ZNF627: variants seen among roughly 807,000 people sequenced by gnomAD.
ZNF627 encodes the protein zinc finger protein 627.
A neutral mutation model predicts 10.6 loss-of-function variants in ZNF627; 12 were observed. The ratio of observed to expected loss-of-function variants is 1.13; its 90% CI spans 0.73 to 1.84. The LOEUF is 1.84. Ranked by LOEUF, ZNF627 falls within the 40% of genes most tolerant of loss-of-function variation. The pLI is 0.00. For missense variants in ZNF627, 504 were observed against 568.4 expected (o/e 0.89, Z 1.15); for synonymous variants, 176 against 187.1 (o/e 0.94, Z 0.48).
intron 3 of ZNF627, among the ~76,000 whole-genome samples, chr19:11,616,182 C>T (rs547022769): frequency 2.3e-4 from 35 of 151,738 alleles, no homozygotes; most frequent in African/African-American, 6.8e-4. Flanking sequence ...GGATTACACG[C>T]GTGCTCCACT....
intron 1 of ZNF627, chr19:11,604,103 TTGA>T (rs1973634528): frequency 2.0e-5 from 3 of 152,106 alleles, no homozygotes; most frequent in Non-Finnish European, 4.4e-5. Flanking sequence ...TATCATATAA[TTGA>T]TGAACCAATA....
chr19:11,612,362 C>T (rs10418463), intron 1 of ZNF627, among the ~76,000 whole-genome samples: 112 of 149,604 alleles, frequency 7.5e-4, no homozygotes, highest in African/African-American at 2.5e-3. Context: ...CCTCGTGATC[C>T]GCCTGCCTCG....
chr19:11,597,664 G>T, intron 1 of ZNF627, 34 bp downstream of exon 1: 1 of 1,338,286 alleles, frequency 7.5e-7, no homozygotes, highest in Non-Finnish European at 9.6e-7. Flanking sequence ...CCCAGACCTG[G>T]GGGAGGGGCT....
intron 3 of ZNF627, among the ~76,000 whole-genome samples, chr19:11,615,093 C>T (rs557325349): frequency 7.3e-5 from 11 of 151,596 alleles, no homozygotes; most frequent in East Asian, 2.0e-4. Context: ...ACTACAGGCA[C>T]GTGCCACCAC....
intron 1 of ZNF627, among the ~76,000 whole-genome samples, chr19:11,601,128 T>TG (rs1973577478): frequency 6.6e-6 from 1 of 152,192 alleles, no homozygotes; most frequent in East Asian, 1.9e-4. Flanking sequence ...GAGCCTCCCC[T>TG]GCAGTGTCCC....
At chr19:11,602,725 G>T (rs917302395) in intron 1 of ZNF627, among the ~76,000 whole-genome samples, 1 of 152,192 alleles carries the variant, frequency 6.6e-6, no homozygotes, top group Non-Finnish European at 1.5e-5. Flanking sequence ...ATTTGGTTGT[G>T]TTCAGCAAAC....
intron 1 of ZNF627, among the ~76,000 whole-genome samples, chr19:11,612,176 A>G (rs1205749997): frequency 7.7e-6 from 1 of 129,522 alleles, no homozygotes; most frequent in Non-Finnish European, 1.5e-5. Context: ...GCTGGAGTGC[A>G]GTGGTGCGAT....
chr19:11,598,483 TAGGAAACC>T (rs1195286553), intron 1 of ZNF627, among the ~76,000 whole-genome samples: 1 of 152,170 alleles, frequency 6.6e-6, no homozygotes, highest in East Asian at 1.9e-4. Context: ...TTTCCTTGGG[TAGGAAACC>T]AGGACACCAT....
At chr19:11,610,425 T>C (rs541721590) in intron 1 of ZNF627, among the ~76,000 whole-genome samples, 149 of 151,750 alleles carry the variant, frequency 9.8e-4, no homozygotes, top group African/African-American at 3.5e-3. Context: ...GTTGCTGCCC[T>C]TTTTTTTCCT....
chr19:11,611,970 T>C (rs922276290), intron 1 of ZNF627, among the ~76,000 whole-genome samples: 3 of 152,144 alleles, frequency 2.0e-5, no homozygotes, highest in Admixed American at 6.6e-5. Flanking sequence ...GTCTCATTTG[T>C]TGGGGACTAG....
chr19:11,600,872 G>A (rs988723618), intron 1 of ZNF627, among the ~76,000 whole-genome samples: 1 of 152,168 alleles, frequency 6.6e-6, no homozygotes, highest in Non-Finnish European at 1.5e-5. Context: ...ATTGTCTGAA[G>A]AGGATGGATA....
Position 11,616,682 on chromosome 19 carries a change from T to G in ZNF627, c.192-13T>G. On this transcript the variant is annotated splice_polypyrimidine_tract_variant and intron_variant, in intron 3 of 3. Coordinates refer to ENST00000361113, the MANE Select transcript of ZNF627 (RefSeq NM_145295.4). Reference sequence around the variant, plus strand: ...CAAAACATTAATAATGTACTTCTCATTTTTCTGACAAGTCATATTCCAGAG... The same window carrying G: ...CAAAACATTAATAATGTACTTCTCAGTTTTCTGACAAGTCATATTCCAGAG... 1 of 1,518,890 alleles carries G rather than the reference T, an allele frequency of 6.6e-7. No individual in the cohort carries two copies. The highest frequency in any genetic ancestry group is 8.9e-7 in the Non-Finnish European group (1 of 1,128,160). The allele number at this position is 1,518,890 out of a possible 1,614,324, so 94.1% of individuals were successfully genotyped here.
intron 3 of ZNF627, among the ~76,000 whole-genome samples, chr19:11,615,235 C>A (rs1973846780): frequency 6.7e-6 from 1 of 150,052 alleles, no homozygotes; most frequent in African/African-American, 2.4e-5. Flanking sequence ...CCTGAGCCAC[C>A]ATGCCCAGCA....
rs961609090 is a variant in ZNF627 at position 11,597,634 on chromosome 19, C to G, written c.3+4C>G. The G allele has an allele frequency of 3.7e-6, 5 of 1,335,580 alleles. No individual in the cohort carries two copies. The African/African-American group carries it at 7.5e-5, about 20-fold the overall frequency. 82.7% of individuals were successfully genotyped at this position (1,335,580 alleles called of 1,614,324 possible). On this transcript the variant is annotated splice_donor_region_variant and intron_variant, in intron 1 of 3. Transcript: ENST00000361113. ...GACACCTGGAAGCCGAGAAATGGTG[C>G]GTGTGAGGGGTCAGGCGTCCCCAGA...
At position 11,617,399 on chromosome 19, in the gene ZNF627, G is replaced by T; in HGVS notation, c.896G>T (p.Arg299Met). ...GCCAGTTCTGTTCGAAGTCACGAGA[G>T]GACTCACACCGGAGAGAAACTTTTT... The part of the protein sequence containing the change: ...RCASSVRSHE[R>M]THTGEKLFEC... Residue 299 changes from arginine (R) to methionine (M), a missense_variant, in exon 4 of 4, where the codon AGG (arginine) becomes ATG (methionine). Coordinates refer to ENST00000361113, the MANE Select transcript of ZNF627 (RefSeq NM_145295.4). The T allele has an allele frequency of 4.3e-6, 7 of 1,614,004 alleles. No homozygotes were observed. Among genetic ancestry groups the T allele is most frequent in the Non-Finnish European group, 5.9e-6 (7 of 1,180,024 alleles).
intron 1 of ZNF627, among the ~76,000 whole-genome samples, chr19:11,606,022 G>T (rs933801010): frequency 1.3e-5 from 2 of 152,126 alleles, no homozygotes; most frequent in African/African-American, 4.8e-5. Flanking sequence ...ATCCAGTAGG[G>T]CAGTAATTAA....
In ZNF627 at chr19:11,614,892, T is replaced by C. The variant is rs777034283; in HGVS notation, c.191+5T>C. ...AATTCCCAGGAGAAATATAAGGTAA[T>C]TTGCACTCACAAAAGAAAGTTCTGT... On this transcript the variant is annotated splice_donor_5th_base_variant and intron_variant, in intron 3 of 3. Transcript: ENST00000361113. The C allele has an allele frequency of 1.4e-5, 23 of 1,598,162 alleles. No homozygotes were observed. Among genetic ancestry groups the C allele is most frequent in the Non-Finnish European group, 2.0e-5 (23 of 1,173,804 alleles).
At chr19:11,604,661 CCAGGGTCT>C (rs1301956436) in intron 1 of ZNF627, among the ~76,000 whole-genome samples, 1 of 152,174 alleles carries the variant, frequency 6.6e-6, no homozygotes, top group African/African-American at 2.4e-5. Flanking sequence ...GATAAATGAA[CCAGGGTCT>C]CAAGTTTACA....
chr19:11,615,085 T>TAC (rs1973843482), intron 3 of ZNF627, among the ~76,000 whole-genome samples, 198 bp downstream of exon 3: 1 of 151,476 alleles, frequency 6.6e-6, no homozygotes, highest in Non-Finnish European at 1.5e-5. Context: ...TAGCTAGGAC[T>TAC]ACAGGCACGT....
Sources: allele counts gnomAD v4.1 joint callset (sites outside exome capture counted in the v4.1 genomes callset), GRCh38; gene constraint gnomAD v4.1.1; transcripts MANE v1.5; gene names NCBI Gene and HGNC (gene_info 2026-07-23, HGNC 2026-07-21).